The following C1QTNF3 variants were observed in gnomAD, a reference collection of about 807,000 sequenced individuals.
C1QTNF3 encodes the protein C1q and TNF related 3, also known as complement C1q tumor necrosis factor-related protein 3.
Under a neutral mutation model 32.6 loss-of-function variants are expected in C1QTNF3, and 26 were observed. That is an observed-to-expected ratio of 0.80 (90% CI 0.58 to 1.11). The LOEUF is 1.11. Among genes scored for constraint, C1QTNF3 ranks in the 50% least tolerant of loss-of-function variants. The probability of loss-of-function intolerance (pLI) is 0.00; values close to 1 mark genes in which losing one functional copy is unlikely to be tolerated. For missense variants in C1QTNF3, 362 were observed against 398.2 expected (o/e 0.91, Z 0.77); for synonymous variants, 155 against 146.0 (o/e 1.06, Z -0.44).
the C1QTNF3 span, chr5:34,199,851 CT>C: frequency 6.7e-5 from 10 of 149,782 alleles, no homozygotes; most frequent in African/African-American, 2.2e-4. Context: ...TGTTTTATTA[CT>C]CTCTGGGAAA....
chr5:34,075,265 T>A, the C1QTNF3 span, among the ~76,000 whole-genome samples: 1 of 151,700 alleles, frequency 6.6e-6, no homozygotes. Flanking sequence ...TTCTCTGGAA[T>A]AATTAGAGTT....
At chr5:34,075,881 G>C in the C1QTNF3 span, among the ~76,000 whole-genome samples, 2 of 36,014 alleles carry the variant, frequency 5.6e-5, no homozygotes, top group South Asian at 1.9e-3. Flanking sequence ...ATTATGGTGT[G>C]TGTGTGTGTG....
chr5:34,231,557 T>G, the C1QTNF3 span, among the ~76,000 whole-genome samples: 2,600 of 152,296 alleles, frequency 0.017, 18 homozygotes, highest in Middle Eastern at 0.027. Context: ...AGTGTGTATT[T>G]GTATCTGTGT....
intron 4 of C1QTNF3, among the ~76,000 whole-genome samples, chr5:34,025,099 T>A (rs907064359): frequency 2.0e-5 from 3 of 152,244 alleles, no homozygotes; most frequent in Non-Finnish European, 4.4e-5. Flanking sequence ...GGAATGCATA[T>A]TCAATGTTCT....
chr5:34,221,895 T>C, the C1QTNF3 span, among the ~76,000 whole-genome samples: 1 of 152,056 alleles, frequency 6.6e-6, no homozygotes, highest in African/African-American at 2.4e-5. Flanking sequence ...GTCATTTTTC[T>C]TGGCTTCTCA....
intron 4 of C1QTNF3, among the ~76,000 whole-genome samples, chr5:34,026,575 G>C (rs1023828097): frequency 6.6e-6 from 1 of 152,040 alleles, no homozygotes; most frequent in Non-Finnish European, 1.5e-5. Flanking sequence ...GTGCAGTCTG[G>C]AGAGGTAGTG....
chr5:34,050,472 T>C, the C1QTNF3 span, among the ~76,000 whole-genome samples: 1 of 152,220 alleles, frequency 6.6e-6, no homozygotes, highest in South Asian at 2.1e-4. Context: ...TTTTTTCTTT[T>C]TGTGGAGGCC....
the C1QTNF3 span, among the ~76,000 whole-genome samples, chr5:34,183,782 T>C: frequency 2.6e-5 from 4 of 152,324 alleles, no homozygotes; most frequent in African/African-American, 9.6e-5. Flanking sequence ...CTCAAGCCAA[T>C]GACTACAATT....
chr5:34,104,987 G>GA, the C1QTNF3 span, among the ~76,000 whole-genome samples: 2 of 133,120 alleles, frequency 1.5e-5, no homozygotes, highest in Non-Finnish European at 3.4e-5. Context: ...TTCAGCAAGA[G>GA]TTTTTTTTTT....
At chr5:34,229,218 TAATTC>T in the C1QTNF3 span, among the ~76,000 whole-genome samples, 1 of 151,968 alleles carries the variant, frequency 6.6e-6, no homozygotes, top group Non-Finnish European at 1.5e-5. Flanking sequence ...GGCACATACT[TAATTC>T]ATTTCTCACA....
the C1QTNF3 span, among the ~76,000 whole-genome samples, chr5:34,201,991 C>T: frequency 1.5e-4 from 23 of 152,214 alleles, no homozygotes; most frequent in African/African-American, 5.5e-4. Context: ...ATATTGAATC[C>T]TACCACTTCC....
the C1QTNF3 span, among the ~76,000 whole-genome samples, chr5:34,077,777 T>C: frequency 6.6e-6 from 1 of 151,490 alleles, no homozygotes; most frequent in South Asian, 2.1e-4. Flanking sequence ...ACAGTGTAAC[T>C]TTTAGATAAG....
the C1QTNF3 span, among the ~76,000 whole-genome samples, chr5:34,064,619 C>T: frequency 1.3e-5 from 2 of 151,990 alleles, no homozygotes; most frequent in African/African-American, 4.8e-5. Context: ...AGGAGTGCAG[C>T]GGACACACTG....
intron 4 of C1QTNF3, among the ~76,000 whole-genome samples, chr5:34,025,475 A>G (rs1050849132): frequency 1.3e-5 from 2 of 152,232 alleles, no homozygotes; most frequent in African/African-American, 4.8e-5. Flanking sequence ...TATTATACCC[A>G]CATGTGGCTT....
chr5:34,234,867 A>T, the C1QTNF3 span, among the ~76,000 whole-genome samples: 1 of 152,140 alleles, frequency 6.6e-6, no homozygotes, highest in Non-Finnish European at 1.5e-5. Flanking sequence ...TGATTAGTGC[A>T]ATTTGGGATG....
chr5:34,232,184 A>G, the C1QTNF3 span, among the ~76,000 whole-genome samples: 1 of 151,668 alleles, frequency 6.6e-6, no homozygotes, highest in African/African-American at 2.4e-5. Flanking sequence ...TTTCTCCCTT[A>G]TGGAATTGGA....
At chr5:34,035,858 C>A in intron 1 of C1QTNF3, 100 bp from the exon 2 acceptor site, 1 of 821,084 alleles carries the variant, frequency 1.2e-6, no homozygotes, top group Non-Finnish European at 2.0e-6. Context: ...AGCTTAATTC[C>A]AATCGAATCA....
the C1QTNF3 span, among the ~76,000 whole-genome samples, chr5:34,216,363 C>G: frequency 1.3e-5 from 2 of 152,194 alleles, no homozygotes; most frequent in Non-Finnish European, 2.9e-5. Context: ...TTTCAATCAG[C>G]AAATTGCTGG....
the C1QTNF3 span, among the ~76,000 whole-genome samples, chr5:34,076,484 A>G: frequency 1.3e-5 from 2 of 151,722 alleles, no homozygotes; most frequent in East Asian, 3.9e-4. Flanking sequence ...CAGATTACAT[A>G]CACATCTAGT....
Sources: allele counts gnomAD v4.1 joint callset (sites outside exome capture counted in the v4.1 genomes callset), GRCh38; gene constraint gnomAD v4.1.1; transcripts MANE v1.5; gene names NCBI Gene and HGNC (gene_info 2026-07-23, HGNC 2026-07-21).